NEK10: variants seen among roughly 807,000 people sequenced by gnomAD.
The protein encoded by NEK10 is NIMA related kinase 10.
Under a neutral mutation model 159.8 loss-of-function variants are expected in NEK10, and 122 were observed. That is an observed-to-expected ratio of 0.76 (90% CI 0.66 to 0.89). The LOEUF (loss-of-function observed/expected upper bound fraction) is 0.89, where lower values mean the gene tolerates loss of function less well. NEK10 is among the 40% of genes least tolerant of loss of function. NEK10 has a pLI of 0.00. For missense variants in NEK10, 1,342 were observed against 1,323.1 expected, an observed-to-expected ratio of 1.01 and a Z score of -0.22; for synonymous variants, 466 against 457.1, an observed-to-expected ratio of 1.02 and a Z score of -0.25.
intron 23 of NEK10, among the ~76,000 whole-genome samples, chr3:27,224,753 C>T (rs1331035279): frequency 6.6e-6 from 1 of 152,112 alleles, no homozygotes; most frequent in Admixed American, 6.6e-5. Context: ...TCTATGGAAC[C>T]CGGGCTAAGA....
intron 16 of NEK10, among the ~76,000 whole-genome samples, 186 bp downstream of exon 16, chr3:27,293,402 G>T (rs2043140794): frequency 6.6e-6 from 1 of 152,132 alleles, no homozygotes; most frequent in Admixed American, 6.5e-5. Flanking sequence ...TTAATATTCA[G>T]TGTGGCTGGA....
In NEK10 at chr3:27,291,327, T is replaced by G. The variant is rs1253947821; in HGVS notation, c.1540A>C (p.Lys514Gln). ...AAAATTGCATAGTTGCCTATATATT[T>G]CAAAGGAGCTTTGTTCTGATTAATG... ...ESINQNKAPL[K>Q]YIGNYAILDH... The change falls in exon 18 of 36, where the codon AAA becomes CAA. Residue 514 changes from lysine to glutamine, a missense_variant. Physicochemically the swap from Lys to Gln is moderately conservative, Grantham distance 53. Coordinates refer to ENST00000691995, the MANE Select transcript of NEK10 (RefSeq NM_001394966.1). 6.2e-7 allele frequency: 1 copy of G among 1,613,550 alleles called. No homozygotes were observed. Among genetic ancestry groups the G allele is most frequent in the Non-Finnish European group, 8.5e-7 (1 of 1,179,532 alleles).
In NEK10 at chr3:27,369,192, G is replaced by C. The variant is rs2049330184; in HGVS notation, c.-38+33C>G. ...GAGACCCTGACTCAAGCTGCTCGCC[G>C]GCACAGCCGAGCACCGGCTCCCGCC... On this transcript the variant is annotated intron_variant, in intron 1 of 35. Coordinates refer to ENST00000691995, the MANE Select transcript of NEK10 (RefSeq NM_001394966.1). This position sits in a 1 kb window ranked among gnomAD's most constrained non-coding sequence, Gnocchi z 4.2. 6.6e-6 allele frequency: 1 copy of C among 152,218 alleles called. No homozygotes were observed. 9.4% of individuals were successfully genotyped at this position (152,218 alleles called of 1,614,324 possible). A position where few individuals can be genotyped will look rare whatever the true frequency, so the allele number is the denominator to read the frequency against.
intron 25 of NEK10, among the ~76,000 whole-genome samples, chr3:27,199,992 A>G (rs975515592): frequency 2.6e-5 from 4 of 152,172 alleles, no homozygotes; most frequent in African/African-American, 7.2e-5. Context: ...GAGCATCAGG[A>G]AAAATAGCTA....
intron 22 of NEK10, among the ~76,000 whole-genome samples, chr3:27,257,117 C>T (rs1455995761): frequency 6.6e-6 from 1 of 152,032 alleles, no homozygotes; most frequent in Non-Finnish European, 1.5e-5. Context: ...GGTTTTACCA[C>T]GTTGGCCAGG....
chr3:27,365,610 G>GTTTTTTTTT (rs71091129), intron 1 of NEK10, among the ~76,000 whole-genome samples: 27 of 99,116 alleles, frequency 2.7e-4, no homozygotes, highest in East Asian at 6.7e-4. Context: ...TTTTTTTTGT[G>GTTTTTTTTT]TTTTTTTTTT....
chr3:27,203,296 C>T lies in NEK10; in HGVS notation c.2091-739G>A, dbSNP rs191578411. Reference sequence around the variant, plus strand: ...TTTGGAAAAAAACTGACTGATAGAGCCTTTCCCTTTGCTATTCAGCTCTAG... The same window carrying T: ...TTTGGAAAAAAACTGACTGATAGAGTCTTTCCCTTTGCTATTCAGCTCTAG... On this transcript the variant is annotated intron_variant, in intron 23 of 35. Transcript: ENST00000691995. Among the ~76,000 whole-genome samples the T allele has an allele frequency of 7.2e-4, 110 of 152,220 alleles. 3 individuals carry two copies. In the East Asian group the frequency reaches 0.017, roughly 23 times the overall value.
chr3:27,275,788 A>G (rs2041726960), intron 22 of NEK10, among the ~76,000 whole-genome samples: 1 of 152,204 alleles, frequency 6.6e-6, no homozygotes, highest in African/African-American at 2.4e-5. Context: ...TAGCCAACCA[A>G]TAACAATTAA....
rs1316886491 is a variant in NEK10, at chr3:27,369,302, CG to C, written c.-116del. On this transcript the variant is annotated 5_prime_UTR_variant, in exon 1 of 36. Coordinates refer to ENST00000691995, the MANE Select transcript of NEK10 (RefSeq NM_001394966.1). This position sits in a 1 kb window ranked among gnomAD's most constrained non-coding sequence, Gnocchi z 4.2. ...GCTGCTGTCACCTGCTGCTGCAGAC[CG>C]GGGGTCCCGTCCAGTCTCAGCCCGT... The C allele has an allele frequency of 6.5e-6, 1 of 152,908 alleles. No individual in the cohort carries two copies. Among genetic ancestry groups the C allele is most frequent in the Non-Finnish European group, 1.5e-5 (1 of 68,606 alleles). The allele number at this position is 152,908 out of a possible 1,614,324, so 9.5% of individuals were successfully genotyped here. A position where few individuals can be genotyped will look rare whatever the true frequency, so the allele number is the denominator to read the frequency against.
chr3:27,264,381 A>G (rs1247191161), intron 22 of NEK10, among the ~76,000 whole-genome samples: 1 of 152,208 alleles, frequency 6.6e-6, no homozygotes, highest in Non-Finnish European at 1.5e-5. Context: ...CACAGACACA[A>G]AAATTATTGA....
At chr3:27,236,564 G>A (rs1025254112) in intron 23 of NEK10, among the ~76,000 whole-genome samples, 7 of 152,146 alleles carry the variant, frequency 4.6e-5, no homozygotes, top group African/African-American at 1.4e-4. Context: ...AATACAAAGA[G>A]AGGAATTTTA....
chr3:27,141,633 T>C (rs1277599056), intron 30 of NEK10, 51 bp from the exon 31 acceptor site: 1 of 1,400,258 alleles, frequency 7.1e-7, no homozygotes, highest in Non-Finnish European at 1.0e-6. Flanking sequence ...AAAAGTTACA[T>C]TAGTGAAAAA....
intron 31 of NEK10, among the ~76,000 whole-genome samples, chr3:27,139,508 T>G (rs1373063064): frequency 6.6e-6 from 1 of 152,184 alleles, no homozygotes; most frequent in African/African-American, 2.4e-5. Context: ...CTATTACATT[T>G]CAGCAGCAAC....
At chr3:27,227,213 G>A (rs1952729292) in intron 23 of NEK10, among the ~76,000 whole-genome samples, 1 of 152,200 alleles carries the variant, frequency 6.6e-6, no homozygotes, top group African/African-American at 2.4e-5. Flanking sequence ...ATACATGACA[G>A]AGAATTGCTG....
chr3:27,214,399 A>G (rs1951291870), intron 23 of NEK10, among the ~76,000 whole-genome samples: 1 of 152,182 alleles, frequency 6.6e-6, no homozygotes, highest in Non-Finnish European at 1.5e-5. Flanking sequence ...GTAAAAGTTA[A>G]AAAGTGAGAG....
intron 24 of NEK10, among the ~76,000 whole-genome samples, chr3:27,201,825 T>C (rs1240985010): frequency 7.2e-5 from 11 of 152,088 alleles, no homozygotes; most frequent in Non-Finnish European, 1.3e-4. Context: ...TATGGGATAA[T>C]ATAAGGTGCT....
intron 1 of NEK10, among the ~76,000 whole-genome samples, chr3:27,354,338 C>T (rs1159438088): frequency 6.6e-6 from 1 of 152,130 alleles, no homozygotes; most frequent in Non-Finnish European, 1.5e-5. Flanking sequence ...AGTATGTGAA[C>T]AGGAAATAAT....
chr3:27,287,813 G>A, intron 19 of NEK10, 70 bp from the exon 20 acceptor site: 1 of 1,413,344 alleles, frequency 7.1e-7, no homozygotes, highest in Admixed American at 2.9e-5. Context: ...TGACTACTTA[G>A]TTGGACTTCA....
chr3:27,201,113 T>G (rs914250587), intron 25 of NEK10, among the ~76,000 whole-genome samples: 1 of 152,240 alleles, frequency 6.6e-6, no homozygotes, highest in Non-Finnish European at 1.5e-5. Flanking sequence ...AAAAAGTACC[T>G]GCAACTTTAT....
Sources: allele counts gnomAD v4.1 joint callset (sites outside exome capture counted in the v4.1 genomes callset), GRCh38; gene constraint gnomAD v4.1.1; non-coding constraint Gnocchi (gnomAD v3.1); transcripts MANE v1.5; gene names NCBI Gene and HGNC (gene_info 2026-07-23, HGNC 2026-07-21).